The following CCDC169 variants were observed in gnomAD, a reference collection of about 807,000 sequenced individuals.
CCDC169 encodes coiled-coil domain containing 169, also known as coiled-coil domain-containing protein 169.
Under a neutral mutation model 36.0 loss-of-function variants are expected in CCDC169, and 30 were observed. The observed-to-expected ratio is 0.83, with a 90% CI of 0.62 to 1.13. CCDC169 has a LOEUF of 1.13. CCDC169 is among the 50% of genes most tolerant of loss of function. The pLI is 0.00. For missense variants in CCDC169, 245 were observed against 245.9 expected, an observed-to-expected ratio of 1.00 and a Z score of 0.03; for synonymous variants, 85 against 81.5, an observed-to-expected ratio of 1.04 and a Z score of -0.23.
chr13:36,264,430 A>T (rs946567790), intron 4 of CCDC169, among the ~76,000 whole-genome samples: 2 of 148,978 alleles, frequency 1.3e-5, no homozygotes, highest in Admixed American at 6.7e-5. Flanking sequence ...AGCAATAAAT[A>T]AAAAAAAAAG....
chr13:36,229,761 T>C (rs1176777499), downstream of CCDC169, among the ~76,000 whole-genome samples: 1 of 152,026 alleles, frequency 6.6e-6, no homozygotes, highest in Non-Finnish European at 1.5e-5. Context: ...CAGGCTGGTC[T>C]CAAACTCCTG....
At chr13:36,231,592 C>G (rs138680446) in intron 7 of CCDC169, among the ~76,000 whole-genome samples, 40 of 152,116 alleles carry the variant, frequency 2.6e-4, no homozygotes, top group Non-Finnish European at 4.7e-4. Context: ...AAGACAGATC[C>G]GTGAATTCCT....
At chr13:36,249,266 G>A (rs747724326) in intron 6 of CCDC169, among the ~76,000 whole-genome samples, 8 of 152,134 alleles carry the variant, frequency 5.3e-5, no homozygotes, top group Non-Finnish European at 1.2e-4. Context: ...AATACAAACT[G>A]AGAAAGCAAC....
chr13:36,279,652 C>T, intron 4 of CCDC169, among the ~76,000 whole-genome samples: 1 of 152,232 alleles, frequency 6.6e-6, no homozygotes, highest in South Asian at 2.1e-4. Flanking sequence ...GTTTATGGAT[C>T]ACTGCCTTAA....
intron 4 of CCDC169, among the ~76,000 whole-genome samples, chr13:36,262,673 TC>T (rs1484272658): frequency 1.3e-5 from 2 of 152,136 alleles, no homozygotes; most frequent in Non-Finnish European, 2.9e-5. Context: ...CAGCATAGCA[TC>T]TTTAAAGAAT....
intron 4 of CCDC169, chr13:36,283,119 G>T: frequency 4.4e-6 from 1 of 228,594 alleles, no homozygotes; most frequent in Non-Finnish European, 8.5e-6. Context: ...GGAAATAAAG[G>T]CATGTCTGGG....
chr13:36,257,758 A>G (rs932927723), intron 4 of CCDC169, among the ~76,000 whole-genome samples: 1 of 151,718 alleles, frequency 6.6e-6, no homozygotes, highest in Non-Finnish European at 1.5e-5. Flanking sequence ...CTCCTTGTAA[A>G]AGGGACTATG....
chr13:36,222,208 A>G (rs546590598), downstream of CCDC169: 1 of 152,250 alleles, frequency 6.6e-6, no homozygotes, highest in East Asian at 1.9e-4. Context: ...AGTGAGGCCC[A>G]TCCATCATTC....
At chr13:36,270,440 C>T (rs1420251427) in intron 4 of CCDC169, among the ~76,000 whole-genome samples, 1 of 151,806 alleles carries the variant, frequency 6.6e-6, no homozygotes, top group Non-Finnish European at 1.5e-5. Context: ...CATATTGAAC[C>T]AAAAAAGAGC....
At chr13:36,232,857 A>G (rs907761980) in intron 7 of CCDC169, among the ~76,000 whole-genome samples, 1 of 152,158 alleles carries the variant, frequency 6.6e-6, no homozygotes, top group Non-Finnish European at 1.5e-5. Flanking sequence ...AGATCAGCCT[A>G]GGCAACAGAG....
intron 4 of CCDC169, among the ~76,000 whole-genome samples, chr13:36,258,053 T>A (rs1480841105): frequency 6.6e-6 from 1 of 150,464 alleles, no homozygotes; most frequent in Admixed American, 6.7e-5. Context: ...CTAGGGTGAT[T>A]TTTTTGCCAC....
downstream of CCDC169, among the ~76,000 whole-genome samples, chr13:36,229,069 T>C (rs1870144006): frequency 1.3e-5 from 2 of 152,180 alleles, no homozygotes; most frequent in South Asian, 2.1e-4. Context: ...TACCTCTATA[T>C]TAGTAAAAGC....
At chr13:36,255,009 C>T (rs1873674372) in intron 4 of CCDC169, among the ~76,000 whole-genome samples, 1 of 152,148 alleles carries the variant, frequency 6.6e-6, no homozygotes, top group Admixed American at 6.5e-5. Flanking sequence ...AGTTAGCTGG[C>T]TTCTGCCTGT....
At chr13:36,257,152 T>C (rs2138495317) in intron 4 of CCDC169, among the ~76,000 whole-genome samples, 1 of 152,304 alleles carries the variant, frequency 6.6e-6, no homozygotes, top group Non-Finnish European at 1.5e-5. Context: ...GTGTTCTTGA[T>C]TTGGCTGTAC....
At chr13:36,244,956 T>C (rs1872322091) in intron 7 of CCDC169, among the ~76,000 whole-genome samples, 1 of 152,162 alleles carries the variant, frequency 6.6e-6, no homozygotes, top group Non-Finnish European at 1.5e-5. Flanking sequence ...TGTATAAAGA[T>C]AATAAATAAT....
At chr13:36,287,710 A>G (rs1020320823) in intron 2 of CCDC169, among the ~76,000 whole-genome samples, 7 of 152,232 alleles carry the variant, frequency 4.6e-5, no homozygotes, top group African/African-American at 1.7e-4. Flanking sequence ...ATAAAAATAG[A>G]AAGGTCTTCA....
Position 36,232,119 on chromosome 13 carries a change from T to C in CCDC169, c.546-827A>G, listed in dbSNP as rs150531555. ...TCGAACACTGAGCTTTGTAGCATTTTAACTTGCCCTATGCCTATCCACTGT... is the reference window on the plus strand; with the variant it reads ...TCGAACACTGAGCTTTGTAGCATTTCAACTTGCCCTATGCCTATCCACTGT... On this transcript the variant is annotated intron_variant, in intron 7 of 7. Coordinates refer to ENST00000239859, the MANE Select transcript of CCDC169 (RefSeq NM_001144981.3). Among the ~76,000 whole-genome samples the C allele has an allele frequency of 8.1e-4, 124 of 152,316 alleles. 1 individual carries two copies. Among genetic ancestry groups the C allele is most frequent in the African/African-American group, 2.7e-3 (114 of 41,572 alleles).
At chr13:36,243,903 G>C (rs1393699106) in intron 7 of CCDC169, among the ~76,000 whole-genome samples, 2 of 152,160 alleles carry the variant, frequency 1.3e-5, no homozygotes, top group Non-Finnish European at 2.9e-5. Flanking sequence ...ATATTCAATG[G>C]AAAACCAAAC....
intron 7 of CCDC169, among the ~76,000 whole-genome samples, chr13:36,234,378 T>A (rs533628265): frequency 6.6e-5 from 10 of 152,224 alleles, no homozygotes; most frequent in African/African-American, 1.9e-4. Flanking sequence ...AACATATGTA[T>A]AATGAGTGTC....
Sources: allele counts gnomAD v4.1 joint callset (sites outside exome capture counted in the v4.1 genomes callset), GRCh38; gene constraint gnomAD v4.1.1; transcripts MANE v1.5; gene names NCBI Gene and HGNC (gene_info 2026-07-23, HGNC 2026-07-21).